The following GPR176 variants were observed in gnomAD, a reference collection of about 807,000 sequenced individuals.
GPR176 encodes the protein G-protein coupled receptor 176.
A neutral mutation model predicts 35.4 loss-of-function variants in GPR176; 26 were observed. That is an observed-to-expected ratio of 0.74 (90% CI 0.54 to 1.02). The LOEUF (loss-of-function observed/expected upper bound fraction) is 1.02. Among genes scored for constraint, GPR176 ranks in the 50% least tolerant of loss-of-function variants. The pLI is 0.00. For missense variants in GPR176, 597 were observed against 665.3 expected, an observed-to-expected ratio of 0.90 and a Z score of 1.13; for synonymous variants, 278 against 271.3, an observed-to-expected ratio of 1.02 and a Z score of -0.24.
chr15:39,807,284 A>G (rs1899257424), intron 1 of GPR176, 26 bp from the exon 2 acceptor site: 2 of 1,382,802 alleles, frequency 1.4e-6, no homozygotes, highest in Non-Finnish European at 1.9e-6. Context: ...AGAAAATAAA[A>G]TAATTTAAAT....
chr15:39,886,146 T>C (rs1034374849), intron 1 of GPR176, among the ~76,000 whole-genome samples: 2 of 151,944 alleles, frequency 1.3e-5, no homozygotes, highest in African/African-American at 4.8e-5. Context: ...GGCAGGAGAA[T>C]CACTTGAACC....
intron 1 of GPR176, among the ~76,000 whole-genome samples, chr15:39,891,777 T>C (rs1279579088): frequency 1.3e-5 from 2 of 152,158 alleles, no homozygotes; most frequent in African/African-American, 4.8e-5. Flanking sequence ...AGTTGGAGAC[T>C]GTAGTGAGTT....
rs118092476 is a variant in GPR176 at position 39,864,533 on chromosome 15, T to C, written c.172+55322A>G. ...ACTTAAACGTAAGACCTAAGAACTA[T>C]AAAAATACTAGAAGAAAACCTAGGA... On this transcript the variant is annotated intron_variant, in intron 1 of 2. Coordinates refer to ENST00000561100, the MANE Select transcript of GPR176 (RefSeq NM_007223.3). 8.3e-3 allele frequency among the ~76,000 whole-genome samples: 1,265 copies of C among 152,046 alleles called. 10 individuals are homozygous for C. Among genetic ancestry groups the C allele is most frequent in the Non-Finnish European group, 0.014 (950 of 67,948 alleles).
chr15:39,883,848 T>C (rs2032573517), intron 1 of GPR176, among the ~76,000 whole-genome samples: 2 of 142,984 alleles, frequency 1.4e-5, no homozygotes, highest in Non-Finnish European at 3.2e-5. Flanking sequence ...AGAAGATACA[T>C]GCATAGCAAC....
chr15:39,805,159 G>A (rs1201789923), intron 2 of GPR176, among the ~76,000 whole-genome samples: 1 of 152,054 alleles, frequency 6.6e-6, no homozygotes, highest in East Asian at 1.9e-4. Context: ...GTACTACCAG[G>A]GGCATTCAGA....
intron 1 of GPR176, among the ~76,000 whole-genome samples, chr15:39,823,584 C>T (rs913306302): frequency 2.6e-5 from 4 of 152,190 alleles, no homozygotes; most frequent in Non-Finnish European, 5.9e-5. Flanking sequence ...CCTCGCTGGT[C>T]TCCCCACACT....
At chr15:39,823,361 T>C (rs980543708) in intron 1 of GPR176, among the ~76,000 whole-genome samples, 1 of 152,116 alleles carries the variant, frequency 6.6e-6, no homozygotes, top group Non-Finnish European at 1.5e-5. Flanking sequence ...TCCTCCAATA[T>C]TATCCATCTC....
chr15:39,849,654 T>C (rs1339693394), intron 1 of GPR176, among the ~76,000 whole-genome samples: 1 of 152,056 alleles, frequency 6.6e-6, no homozygotes, highest in Non-Finnish European at 1.5e-5. Context: ...AAAATCACAA[T>C]TAGGTCAATC....
chr15:39,889,756 G>A (rs1376740283), intron 1 of GPR176, among the ~76,000 whole-genome samples: 1 of 152,120 alleles, frequency 6.6e-6, no homozygotes, highest in Non-Finnish European at 1.5e-5. Flanking sequence ...ACTTTGTTTG[G>A]TTCCCTACTA....
At chr15:39,827,705 C>G (rs925211661) in intron 1 of GPR176, among the ~76,000 whole-genome samples, 1 of 152,122 alleles carries the variant, frequency 6.6e-6, no homozygotes, top group Non-Finnish European at 1.5e-5. Flanking sequence ...TAGATTGGTG[C>G]AATTGTGGTT....
In GPR176 at chr15:39,828,689, A is replaced by AC. The variant is rs3837698; in HGVS notation, c.173-21432dup. 7.7e-3 allele frequency among the ~76,000 whole-genome samples: 1,172 copies of AC among 152,294 alleles called. 73 individuals are homozygous for AC. In the East Asian group the frequency reaches 0.16, roughly 21 times the overall value. ...TCCTCTGCTCCAATAAAATAAAAAAACCTGCCGTTGTTATAAAGCACCAAG... is the reference window on the plus strand; with the variant it reads ...TCCTCTGCTCCAATAAAATAAAAAAACCCTGCCGTTGTTATAAAGCACCAAG... On this transcript the variant is annotated intron_variant, in intron 1 of 2. Transcript: ENST00000561100.
intron 1 of GPR176, among the ~76,000 whole-genome samples, chr15:39,812,295 A>G (rs1899619713): frequency 6.6e-6 from 1 of 152,180 alleles, no homozygotes; most frequent in South Asian, 2.1e-4. Context: ...CCCACCTTCA[A>G]TCTAGGTGGC....
chr15:39,912,314 T>C (rs1037745707), intron 1 of GPR176, among the ~76,000 whole-genome samples: 36 of 152,122 alleles, frequency 2.4e-4, no homozygotes, highest in African/African-American at 8.0e-4. Flanking sequence ...GTGGAAACTC[T>C]CTGACAATAA....
chr15:39,880,409 T>C (rs931851907), intron 1 of GPR176, among the ~76,000 whole-genome samples: 1 of 152,206 alleles, frequency 6.6e-6, no homozygotes, highest in African/African-American at 2.4e-5. Flanking sequence ...GGCACTCCTC[T>C]TCTTAAACCT....
At chr15:39,805,663 C>T (rs1302027905) in intron 2 of GPR176, among the ~76,000 whole-genome samples, 1 of 152,118 alleles carries the variant, frequency 6.6e-6, no homozygotes, top group African/African-American at 2.4e-5. Context: ...AGATTCCAGT[C>T]CCTTCTAAGG....
chr15:39,812,283 GACCC>G (rs1398045471), intron 1 of GPR176, among the ~76,000 whole-genome samples: 1 of 152,176 alleles, frequency 6.6e-6, no homozygotes, highest in Non-Finnish European at 1.5e-5. Context: ...GGGAAAGGCA[GACCC>G]ACCTTCAATC....
chr15:39,804,633 C>T (rs1899084643), intron 2 of GPR176, among the ~76,000 whole-genome samples: 1 of 148,782 alleles, frequency 6.7e-6, no homozygotes, highest in African/African-American at 2.5e-5. Flanking sequence ...AAAAAAAAAA[C>T]TTTCAGGATT....
chr15:39,874,611 C>T (rs996009042), intron 1 of GPR176, among the ~76,000 whole-genome samples: 5 of 152,202 alleles, frequency 3.3e-5, no homozygotes, highest in African/African-American at 1.2e-4. Flanking sequence ...TTAGGGAAGT[C>T]ATCATTGTTG....
In GPR176 at chr15:39,919,883, C is replaced by T. The variant is rs143700851; in HGVS notation, c.144G>A (p.Gln48=). The T allele has an allele frequency of 6.6e-4, 982 of 1,495,488 alleles. 9 individuals are homozygous for T. Among genetic ancestry groups the T allele is most frequent in the Middle Eastern group, 3.9e-3 (22 of 5,610 alleles). 92.6% of individuals were successfully genotyped at this position (1,495,488 alleles called of 1,614,324 possible). The part of the protein sequence containing the change: ...QLYRQFTTTV[Q]VVIFIGSLLG... ...GCAGCGAGCCTATGAAGATGACGAC[C>T]TGCACGGTGGTGGTGAACTGGCGGT... The change falls in exon 1 of 3, where the codon CAG becomes CAA. Residue 48 remains glutamine, a synonymous_variant. Coordinates refer to ENST00000561100, the MANE Select transcript of GPR176 (RefSeq NM_007223.3).
Sources: gnomAD v4.1 joint callset for allele counts (sites outside exome capture counted in the v4.1 genomes callset) on GRCh38, gnomAD v4.1.1 for gene constraint, MANE v1.5 for transcripts, NCBI Gene and HGNC (gene_info 2026-07-23, HGNC 2026-07-21) for gene names.